P3H1: variants seen among roughly 807,000 people sequenced by gnomAD.
P3H1 encodes the protein prolyl 3-hydroxylase 1.
P3H1 carries 69 observed loss-of-function variants against 84.0 expected under a neutral mutation model. The observed-to-expected ratio is 0.82, with a 90% CI of 0.68 to 1.00. The LOEUF (loss-of-function observed/expected upper bound fraction) is 1.00. Ranked by LOEUF, P3H1 falls within the 50% of genes least tolerant of loss-of-function variation. The probability of loss-of-function intolerance (pLI) is 0.00; values close to 1 mark genes in which losing one functional copy is unlikely to be tolerated. For synonymous variants in P3H1, 366 were observed against 388.8 expected (o/e 0.94, Z 0.69); for missense variants, 878 against 962.8 (o/e 0.91, Z 1.17).
intron 11 of P3H1, chr1:42,749,944 G>A (rs904410074): frequency 5.5e-6 from 3 of 540,662 alleles, no homozygotes; most frequent in African/African-American, 3.8e-5. Flanking sequence ...GTGACGGGTG[G>A]CCCCCTTTCT....
chr1:42,766,968 C>A lies in P3H1; in HGVS notation c.4G>T (p.Ala2Ser). 6.2e-7 allele frequency: 1 copy of A among 1,608,004 alleles called. No individual in the cohort carries two copies. Among genetic ancestry groups the A allele is most frequent in the Non-Finnish European group, 8.5e-7 (1 of 1,179,782 alleles). Residue 2 changes from alanine to serine, a missense_variant, in exon 1 of 15, where the codon GCG becomes TCG. Coordinates refer to ENST00000296388, the MANE Select transcript of P3H1 (RefSeq NM_022356.4). The stretch of plus-strand genomic sequence containing the variant: ...GTCAGCAGCTTCAACGCGCGTACCG[C>A]CATCGCTCCCTCAGACCTAACGGAA... M[A>S]VRALKLLTTL...
chr1:42,747,004 C>T, intron 14 of P3H1, 152 bp from the exon 15 acceptor site: 1 of 1,614,182 alleles, frequency 6.2e-7, no homozygotes, highest in Non-Finnish European at 8.5e-7. Context: ...AAAAGGACAG[C>T]TGAAGTGGGG....
chr1:42,756,138 AG>A (rs1652390907), intron 5 of P3H1, among the ~76,000 whole-genome samples: 1 of 152,184 alleles, frequency 6.6e-6, no homozygotes, highest in Non-Finnish European at 1.5e-5. Flanking sequence ...CCACTGTCTA[AG>A]GTGACACTAC....
rs2816595 is a variant in P3H1 at position 42,765,256 on chromosome 1, C to T, written c.465+1251G>A. Among the ~76,000 whole-genome samples the T allele has an allele frequency of 7.5e-3, 1,147 of 152,308 alleles. 13 individuals carry two copies. The highest frequency in any genetic ancestry group is 0.032 in the South Asian group (155 of 4,824). ...TTTTCTCTCTATCTGGAGGAGCCTT[C>T]TTTCCTCTCCCCCTGGCAATACTTA... On this transcript the variant is annotated intron_variant, in intron 1 of 14. Coordinates refer to ENST00000296388, the MANE Select transcript of P3H1 (RefSeq NM_022356.4).
At position 42,752,320 on chromosome 1, in the gene P3H1, G is replaced by T. The variant is rs759787229; in HGVS notation, c.1523C>A (p.Thr508Asn). ...DGYRGQTSPH[T>N]PNEKFYGVTV... ...GACACCATAGAACTTTTCATTGGGAGTATGTGGGGAGGTCTGACCCCGGTA... is the reference window on the plus strand; with the variant it reads ...GACACCATAGAACTTTTCATTGGGATTATGTGGGGAGGTCTGACCCCGGTA... The change falls in exon 10 of 15, where the codon ACT becomes AAT. Residue 508 changes from threonine to asparagine, a missense_variant. Transcript: ENST00000296388. The T allele has an allele frequency of 2.5e-6, 4 of 1,614,188 alleles. No homozygotes were observed. Among genetic ancestry groups the T allele is most frequent in the Admixed American group, 1.7e-5 (1 of 60,022 alleles).
rs562314351 is a variant in P3H1, at chr1:42,752,686, C to G, written c.1346-22G>C. On this transcript the variant is annotated intron_variant, in intron 8 of 14. Transcript: ENST00000296388. ...CCACCTGCAAAGCAATGACAAAACTCTAGCTAAATCTAGCAGCAGCTAGAC... is the reference window on the plus strand; with the variant it reads ...CCACCTGCAAAGCAATGACAAAACTGTAGCTAAATCTAGCAGCAGCTAGAC... 93 of 1,614,048 alleles carry G rather than the reference C, an allele frequency of 5.8e-5. 1 individual carries two copies. In the South Asian group the frequency reaches 9.9e-4, roughly 17 times the overall value.
chr1:42,762,482 A>G lies in P3H1; in HGVS notation c.466-7T>C. The stretch of plus-strand genomic sequence containing the variant: ...CTTTCTCCAACTTGTTGATCTAAGA[A>G]TGAAGCATGAGAAGGTGGATAATGC... On this transcript the variant is annotated splice_polypyrimidine_tract_variant and splice_region_variant and intron_variant, in intron 1 of 14. Transcript: ENST00000296388. The G allele has an allele frequency of 1.2e-6, 2 of 1,613,972 alleles. No individual in the cohort carries two copies. The highest frequency in any genetic ancestry group is 1.7e-6 in the Non-Finnish European group (2 of 1,179,882).
chr1:42,766,726 G>T lies in P3H1; in HGVS notation c.246C>A (p.Asp82Glu), dbSNP rs1433019818. Residue 82 changes from aspartate to glutamate, a missense_variant, in exon 1 of 15, where the codon GAC becomes GAA. Transcript: ENST00000296388. Reference sequence around the variant, plus strand: ...AGTCGGGGTCCAGCTCCCACGGGAAGTCGGCGGCACACTGGGTGCGGCAGC... The same window carrying T: ...AGTCGGGGTCCAGCTCCCACGGGAATTCGGCGGCACACTGGGTGCGGCAGC... ...RLRCRTQCAADFPWELDPDWS... is the reference protein window; with the variant it reads ...RLRCRTQCAAEFPWELDPDWS... 1 of 1,564,844 alleles carries T rather than the reference G, an allele frequency of 6.4e-7. No homozygotes were observed. Among genetic ancestry groups the T allele is most frequent in the Admixed American group, 1.9e-5 (1 of 53,834 alleles).
chr1:42,766,480 G>A, intron 1 of P3H1, 27 bp downstream of exon 1: 1 of 1,565,262 alleles, frequency 6.4e-7, no homozygotes, highest in Non-Finnish European at 8.7e-7. Flanking sequence ...AAGGACCCCG[G>A]CCGCCTGGTT....
In P3H1 at chr1:42,747,807, G is replaced by C. The variant is rs779359787; in HGVS notation, c.1839-9C>G. ...TTAGGTAAAGGATGGCGCTGGGAAA[G>C]GCAGAGACATCTCATCATGGCCCTT... is the stretch of plus-strand genomic sequence containing the variant. On this transcript the variant is annotated splice_polypyrimidine_tract_variant and intron_variant, in intron 12 of 14. Coordinates refer to ENST00000296388, the MANE Select transcript of P3H1 (RefSeq NM_022356.4). 1 of 1,613,682 alleles carries C rather than the reference G, an allele frequency of 6.2e-7. No homozygotes were observed. The highest frequency in any genetic ancestry group is 1.3e-5 in the African/African-American group (1 of 74,894).
At chr1:42,755,252 T>G in intron 6 of P3H1, 35 bp from the exon 7 acceptor site, 1 of 1,595,068 alleles carries the variant, frequency 6.3e-7, no homozygotes, top group Non-Finnish European at 8.6e-7. Context: ...AAAGGTAAGA[T>G]GATCTACTTA....
intron 11 of P3H1, among the ~76,000 whole-genome samples, chr1:42,749,064 A>G (rs180983738): frequency 2.8e-4 from 43 of 152,328 alleles, no homozygotes; most frequent in African/African-American, 9.4e-4. Flanking sequence ...CACAGAGGTC[A>G]TTGCTGACCA....
chr1:42,762,710 T>C (rs1242503084), intron 1 of P3H1, among the ~76,000 whole-genome samples: 1 of 152,188 alleles, frequency 6.6e-6, no homozygotes, highest in Non-Finnish European at 1.5e-5. Flanking sequence ...ATTTAGGGGT[T>C]CCCCAGATTA....
chr1:42,747,349 C>T lies in P3H1; in HGVS notation c.1978G>A (p.Gly660Arg). 6.2e-7 allele frequency: 1 copy of T among 1,610,224 alleles called. No homozygotes were observed. Among genetic ancestry groups the T allele is most frequent in the Non-Finnish European group, 8.5e-7 (1 of 1,177,660 alleles). The change falls in exon 14 of 15, where the codon GGA becomes AGA. Residue 660 changes from glycine to arginine, a missense_variant. Coordinates refer to ENST00000296388, the MANE Select transcript of P3H1 (RefSeq NM_022356.4). ...GFSSGTENPH[G>R]VKAVTRGQRC... ...TGCCCCCTGGTGACAGCCTTCACTC[C>T]ATGTGGGTTTTCAGTGCCTGAAGAG...
At chr1:42,760,108 C>T (rs1652628692) in intron 2 of P3H1, 1 of 152,848 alleles carries the variant, frequency 6.5e-6, no homozygotes, top group African/African-American at 2.4e-5. Context: ...CCTCAGCCTC[C>T]AGAGTAGCTG....
intron 2 of P3H1, chr1:42,760,119 G>C (rs1279155273): frequency 1.3e-5 from 2 of 152,594 alleles, no homozygotes; most frequent in Non-Finnish European, 1.5e-5. Flanking sequence ...AGAGTAGCTG[G>C]GATTACAGGT....
chr1:42,747,302 C>G lies in P3H1; in HGVS notation c.2025G>C (p.Trp675Cys). 2 of 1,613,188 alleles carry G rather than the reference C, an allele frequency of 1.2e-6. No individual in the cohort carries two copies. Among genetic ancestry groups the G allele is most frequent in the Non-Finnish European group, 1.7e-6 (2 of 1,179,360 alleles). ...TRGQRCAIAL[W>C]FTLDPRHSER... ...CGCTGTGTCGAGGGTCCAGGGTGAACCACAGGGCGATGGCACAGCGCTGCC... is the reference window on the plus strand; with the variant it reads ...CGCTGTGTCGAGGGTCCAGGGTGAAGCACAGGGCGATGGCACAGCGCTGCC... Residue 675 changes from tryptophan to cysteine, a missense_variant, in exon 14 of 15, where the codon TGG (tryptophan) becomes TGC (cysteine). Trp to Cys is a radical substitution (Grantham distance 215, BLOSUM62 -2). Transcript: ENST00000296388.
At chr1:42,764,181 T>G (rs1284344024) in intron 1 of P3H1, among the ~76,000 whole-genome samples, 1 of 152,028 alleles carries the variant, frequency 6.6e-6, no homozygotes. Context: ...TCCCGCACTT[T>G]GGGAGGCCGA....
At position 42,754,949 on chromosome 1, in the gene P3H1, C is replaced by T; in HGVS notation, c.1265G>A (p.Gly422Glu). 1 of 1,614,168 alleles carries T rather than the reference C, an allele frequency of 6.2e-7. No homozygotes were observed. Among genetic ancestry groups the T allele is most frequent in the Non-Finnish European group, 8.5e-7 (1 of 1,180,034 alleles). ...ETAVRISQEI[G>E]NLMKEIETLV... ...GGTCTCGATTTCCTTCATAAGGTTC[C>T]CAATCTCCTGGGAGATGCGTACGGC... Residue 422 changes from glycine to glutamate, a missense_variant, in exon 8 of 15, where the codon GGG becomes GAG. Transcript: ENST00000296388. This position sits in a 1 kb window ranked among gnomAD's most constrained non-coding sequence, Gnocchi z 4.0.
Sources: gnomAD v4.1 joint callset for allele counts (sites outside exome capture counted in the v4.1 genomes callset) on GRCh38, gnomAD v4.1.1 for gene constraint, Gnocchi (gnomAD v3.1) non-coding constraint, MANE v1.5 for transcripts, NCBI Gene and HGNC (gene_info 2026-07-23, HGNC 2026-07-21) for gene names.